DNAH14: variants seen among roughly 807,000 people sequenced by gnomAD.
DNAH14 encodes axonemal beta dynein heavy chain 14.
In DNAH14, 478 loss-of-function variants were observed where a neutral mutation model predicts 520.9. That is an observed-to-expected ratio of 0.92 (90% CI 0.85 to 0.99). The LOEUF is 0.99. DNAH14 is among the 50% of genes least tolerant of loss of function. DNAH14 has a pLI of 0.00. For synonymous variants in DNAH14, 1,581 were observed against 1,757.2 expected (o/e 0.90, Z 2.51); for missense variants, 4,831 against 5,234.5 (o/e 0.92, Z 2.38).
chr1:225,333,433 C>G lies in DNAH14; in HGVS notation c.10007C>G (p.Thr3336Arg). 3 of 1,551,396 alleles carry G rather than the reference C, an allele frequency of 1.9e-6. No homozygotes were observed. Among genetic ancestry groups the G allele is most frequent in the Non-Finnish European group, 2.6e-6 (3 of 1,146,836 alleles). Reference protein sequence around the residue: ...FRQLIVNKWETFCIENGISLS... With the variant: ...FRQLIVNKWERFCIENGISLS... The stretch of plus-strand genomic sequence containing the variant: ...CAGTTGATTGTGAATAAATGGGAGA[C>G]ATTCTGCATTGAAAATGGCATTTCT... Residue 3336 changes from threonine (T) to arginine (R), a missense_variant, in exon 66 of 86, where the codon ACA becomes AGA. Transcript: ENST00000682510.
chr1:225,204,054 T>C, intron 38 of DNAH14, 129 bp from the exon 39 acceptor site: 2 of 490,424 alleles, frequency 4.1e-6, no homozygotes, highest in Non-Finnish European at 7.1e-6. Flanking sequence ...TATATGTTGG[T>C]CTTTTCAGTT....
chr1:225,393,451 T>C (rs1190635696), intron 84 of DNAH14, among the ~76,000 whole-genome samples: 1 of 152,202 alleles, frequency 6.6e-6, no homozygotes, highest in African/African-American at 2.4e-5. Context: ...TGTAACACAA[T>C]GGTAATTTGT....
chr1:225,135,988 CTG>C (rs1238781641), intron 27 of DNAH14, among the ~76,000 whole-genome samples: 1 of 151,846 alleles, frequency 6.6e-6, no homozygotes, highest in African/African-American at 2.4e-5. Flanking sequence ...CTGCTTTTTT[CTG>C]TTTTCCATTT....
Position 225,345,126 on chromosome 1 carries a change from A to T in DNAH14, c.10679-836A>T, listed in dbSNP as rs530263958. Among the ~76,000 whole-genome samples the T allele has an allele frequency of 2.5e-3, 388 of 152,324 alleles. 2 individuals are homozygous for T. Among genetic ancestry groups the T allele is most frequent in the Non-Finnish European group, 2.4e-3 (160 of 68,020 alleles). On this transcript the variant is annotated intron_variant, in intron 69 of 85. Transcript: ENST00000682510. ...GAGAGATGGTCCATGACTTAGGTCC[A>T]GACATTACTGCAAAAGCTTCACCTG... is the stretch of plus-strand genomic sequence containing the variant.
rs78294464 is a variant in DNAH14 at position 225,163,567 on chromosome 1, A to T, written c.5445+4082A>T. 7.8e-3 allele frequency among the ~76,000 whole-genome samples: 1,182 copies of T among 152,310 alleles called. 9 individuals carry two copies. The highest frequency in any genetic ancestry group is 0.012 in the Non-Finnish European group (807 of 68,022). ...TATTTGAGGATTTTTATCCAGAAGG[A>T]TGATGAATTTTATCAAGTGCATTTT... On this transcript the variant is annotated intron_variant, in intron 35 of 85. Coordinates refer to ENST00000682510, the MANE Select transcript of DNAH14 (RefSeq NM_001367479.1).
intron 19 of DNAH14, 43 bp from the exon 20 acceptor site, chr1:225,082,506 T>C (rs1182014755): frequency 1.5e-6 from 2 of 1,363,498 alleles, no homozygotes; most frequent in Non-Finnish European, 1.9e-6. Context: ...TTAAAAAATA[T>C]AATGAACATA....
intron 49 of DNAH14, among the ~76,000 whole-genome samples, chr1:225,268,309 G>A (rs1303509822): frequency 6.6e-6 from 1 of 152,056 alleles, no homozygotes; most frequent in East Asian, 1.9e-4. Flanking sequence ...CAATAAATTA[G>A]GTATTGCTGG....
chr1:225,181,688 G>A (rs61851482), intron 36 of DNAH14, among the ~76,000 whole-genome samples: 2 of 151,382 alleles, frequency 1.3e-5, no homozygotes, highest in Admixed American at 1.3e-4. Context: ...TTATTTATTT[G>A]TTTGTTTGCT....
intron 8 of DNAH14, among the ~76,000 whole-genome samples, chr1:224,977,073 G>A (rs1409918214): frequency 6.6e-6 from 1 of 151,358 alleles, no homozygotes; most frequent in Non-Finnish European, 1.5e-5. Context: ...CAATAGCAAA[G>A]ACTTGGAACC....
At chr1:224,958,257 G>A (rs950027484) in intron 3 of DNAH14, among the ~76,000 whole-genome samples, 11 of 152,120 alleles carry the variant, frequency 7.2e-5, no homozygotes, top group African/African-American at 2.7e-4. Context: ...TGAAAAGGAA[G>A]AAGAGCAAGT....
intron 1 of DNAH14, among the ~76,000 whole-genome samples, chr1:224,941,481 C>CT (rs1246600101): frequency 1.3e-5 from 2 of 152,130 alleles, no homozygotes; most frequent in Non-Finnish European, 2.9e-5. Flanking sequence ...CCTGTTGACT[C>CT]TGATGGTAGT....
intron 17 of DNAH14, among the ~76,000 whole-genome samples, chr1:225,069,498 A>C (rs944601366): frequency 6.6e-6 from 1 of 152,106 alleles, no homozygotes; most frequent in Non-Finnish European, 1.5e-5. Context: ...TTATGTGATG[A>C]GTCACATGTA....
At chr1:224,989,896 A>C (rs558301589) in intron 8 of DNAH14, among the ~76,000 whole-genome samples, 18 of 152,268 alleles carry the variant, frequency 1.2e-4, no homozygotes, top group Admixed American at 9.8e-4. Flanking sequence ...CCAGCTTTGC[A>C]TCCCTGGAAT....
Position 225,097,213 on chromosome 1 carries a change from A to G in DNAH14, c.3669A>G (p.Pro1223=), listed in dbSNP as rs756675696. The change falls in exon 22 of 86, where the codon CCA becomes CCG. Residue 1223 remains proline, a synonymous_variant. Transcript: ENST00000682510. ...AAAGAAATTGGCTTTATCTTGAACC[A>G]GTCTTTCATTCTTCAGAAATACGAA... The part of the protein sequence containing the change: ...NCQRNWLYLE[P]VFHSSEIRRQ... 852 of 1,550,420 alleles carry G rather than the reference A, an allele frequency of 5.5e-4. No individual in the cohort carries two copies. The highest frequency in any genetic ancestry group is 6.9e-4 in the Admixed American group (35 of 50,936).
At chr1:225,192,601 G>A (rs577607380) in intron 37 of DNAH14, 95 bp from the exon 38 acceptor site, 23 of 829,672 alleles carry the variant, frequency 2.8e-5, no homozygotes, top group Admixed American at 1.6e-4. Context: ...GGTGTGAAAG[G>A]TTTCTCCTAT....
intron 68 of DNAH14, among the ~76,000 whole-genome samples, chr1:225,338,988 A>G (rs762881938): frequency 2.0e-5 from 3 of 151,958 alleles, no homozygotes; most frequent in Non-Finnish European, 2.9e-5. Context: ...TCATCAAATT[A>G]TTACTCCTTA....
Position 225,080,466 on chromosome 1 carries a change from TTAAC to T in DNAH14, c.2859_2862del (p.Asn954LysfsTer42). On this transcript the variant is annotated frameshift_variant, in exon 19 of 86. Transcript: ENST00000682510. LOFTEE classifies it high-confidence loss of function. ...GACTCTCTCAGGGGAAGCTGCAAGT[TTAAC>T]TAACAAAGCTAAAGCATATTCACAT... The T allele has an allele frequency of 6.4e-7, 1 of 1,551,754 alleles. No individual in the cohort carries two copies. The highest frequency in any genetic ancestry group is 8.7e-7 in the Non-Finnish European group (1 of 1,147,004).
intron 29 of DNAH14, among the ~76,000 whole-genome samples, chr1:225,144,921 A>G (rs372440162): frequency 5.3e-5 from 8 of 150,970 alleles, no homozygotes; most frequent in South Asian, 4.2e-4. Context: ...TTGTGTGTGT[A>G]TGTGTGTGTG....
Position 224,989,867 on chromosome 1 carries a change from T to C in DNAH14, c.831-12916T>C, listed in dbSNP as rs541513079. On this transcript the variant is annotated intron_variant, in intron 8 of 85. Coordinates refer to ENST00000682510, the MANE Select transcript of DNAH14 (RefSeq NM_001367479.1). ...TGTTAATAATGGTAAAGTACATTGA[T>C]AGATTTTTGAATACAAAACCAGCTT... Among the ~76,000 whole-genome samples, 28 of 152,272 alleles carry C rather than the reference T, an allele frequency of 1.8e-4. No homozygotes were observed. In the South Asian group the frequency reaches 3.9e-3, roughly 21 times the overall value.
Sources: allele counts gnomAD v4.1 joint callset (sites outside exome capture counted in the v4.1 genomes callset), GRCh38; gene constraint gnomAD v4.1.1; transcripts MANE v1.5; gene names NCBI Gene and HGNC (gene_info 2026-07-23, HGNC 2026-07-21).